CERS3: variants seen among roughly 807,000 people sequenced by gnomAD.
The protein encoded by CERS3 is ceramide synthase 3.
Under a neutral mutation model 50.3 loss-of-function variants are expected in CERS3, and 33 were observed. The ratio of observed to expected loss-of-function variants is 0.66; its 90% CI spans 0.50 to 0.88. The LOEUF (loss-of-function observed/expected upper bound fraction) is 0.88, where lower values mean the gene tolerates loss of function less well. CERS3 is among the 40% of genes least tolerant of loss of function. CERS3 has a pLI of 0.00. For synonymous variants in CERS3, 176 were observed against 155.2 expected (o/e 1.13, Z -0.99); for missense variants, 470 against 460.3 (o/e 1.02, Z -0.19).
chr15:100,455,537 T>C (rs1050747088), intron 11 of CERS3, among the ~76,000 whole-genome samples: 4 of 152,186 alleles, frequency 2.6e-5, no homozygotes, highest in Admixed American at 6.5e-5. Flanking sequence ...ACATATTCTA[T>C]GCACGTACAA....
intron 2 of CERS3, among the ~76,000 whole-genome samples, chr15:100,512,358 A>T (rs2036368544): frequency 6.6e-6 from 1 of 152,152 alleles, no homozygotes; most frequent in Admixed American, 6.5e-5. Flanking sequence ...CACACAGTGA[A>T]GGGCTCCAGC....
intron 1 of CERS3, among the ~76,000 whole-genome samples, chr15:100,535,756 C>T (rs1434968435): frequency 5.7e-4 from 72 of 126,760 alleles, no homozygotes; most frequent in Non-Finnish European, 6.3e-4. Context: ...GAAGTGGGGA[C>T]ATCCCTATGT....
intron 11 of CERS3, among the ~76,000 whole-genome samples, chr15:100,442,516 G>A (rs769347404): frequency 6.6e-6 from 1 of 152,218 alleles, no homozygotes; most frequent in Non-Finnish European, 1.5e-5. Flanking sequence ...CTGAACTGCA[G>A]CGGCCAGGCA....
intron 11 of CERS3, among the ~76,000 whole-genome samples, chr15:100,451,454 A>G (rs1596685285): frequency 6.6e-6 from 1 of 152,358 alleles, no homozygotes; most frequent in Non-Finnish European, 1.5e-5. Context: ...CTGTAATCCC[A>G]GCACTTTGGG....
Position 100,501,787 on chromosome 15 carries a change from C to T in CERS3, c.63G>A (p.Lys21=). ...CATCGTGATCCTCAAGATCTGACCA[C>T]TTTATTGTTGGAGGAAGCCAGAATC... ...LERFWLPPTI[K]WSDLEDHDGL... Residue 21 remains lysine (K), a synonymous_variant, in exon 3 of 12, where the codon AAG becomes AAA. Transcript: ENST00000679737. 1 of 1,614,148 alleles carries T rather than the reference C, an allele frequency of 6.2e-7. No homozygotes were observed. The highest frequency in any genetic ancestry group is 8.5e-7 in the Non-Finnish European group (1 of 1,179,976).
intron 11 of CERS3, among the ~76,000 whole-genome samples, chr15:100,416,583 G>T (rs951178523): frequency 2.6e-5 from 4 of 152,186 alleles, no homozygotes; most frequent in Admixed American, 2.6e-4. Context: ...TACAATCGTG[G>T]CATAAGGAGA....
At chr15:100,429,788 C>T (rs1021139462) in intron 11 of CERS3, among the ~76,000 whole-genome samples, 5 of 152,100 alleles carry the variant, frequency 3.3e-5, no homozygotes, top group Non-Finnish European at 4.4e-5. Context: ...GCCATCACCC[C>T]GTATTGTACA....
intron 1 of CERS3, among the ~76,000 whole-genome samples, chr15:100,538,486 A>G (rs2037124203): frequency 6.6e-6 from 1 of 152,182 alleles, no homozygotes. Flanking sequence ...TTGATTCTTG[A>G]CTTCTGTGCA....
intron 8 of CERS3, among the ~76,000 whole-genome samples, chr15:100,473,748 A>T (rs143042394): frequency 6.6e-6 from 1 of 152,354 alleles, no homozygotes; most frequent in East Asian, 1.9e-4. Flanking sequence ...ACAGTTTCTC[A>T]AAAGATTAGA....
At chr15:100,440,225 C>T (rs771195626) in intron 11 of CERS3, among the ~76,000 whole-genome samples, 5 of 152,278 alleles carry the variant, frequency 3.3e-5, no homozygotes, top group Middle Eastern at 3.4e-3. Flanking sequence ...TCAGTTACTT[C>T]GACTTTATCA....
intron 11 of CERS3, among the ~76,000 whole-genome samples, chr15:100,405,126 C>G (rs2030889654): frequency 6.6e-6 from 1 of 151,070 alleles, no homozygotes; most frequent in Non-Finnish European, 1.5e-5. Context: ...TGCCCTAAGA[C>G]AGACACTATT....
intron 4 of CERS3, among the ~76,000 whole-genome samples, chr15:100,486,319 G>A (rs2035481144): frequency 1.3e-5 from 2 of 152,168 alleles, no homozygotes; most frequent in Admixed American, 6.5e-5. Context: ...ATGGTAGGAA[G>A]GGCAGGAAGC....
Position 100,442,810 on chromosome 15 carries a change from C to T in CERS3, c.999+13083G>A, listed in dbSNP as rs572900108. Among the ~76,000 whole-genome samples the T allele has an allele frequency of 5.3e-5, 8 of 152,328 alleles. No individual in the cohort carries two copies. In the East Asian group the frequency reaches 7.7e-4, roughly 15 times the overall value. On this transcript the variant is annotated intron_variant, in intron 11 of 11. Transcript: ENST00000679737. The stretch of plus-strand genomic sequence containing the variant: ...AAGCCCCCTAGACCATCACGGACGC[C>T]GAGCTGCCAGTAACTCTCACAGTGG...
At chr15:100,495,872 C>G (rs189578194) in intron 3 of CERS3, among the ~76,000 whole-genome samples, 4 of 152,088 alleles carry the variant, frequency 2.6e-5, no homozygotes, top group Non-Finnish European at 4.4e-5. Flanking sequence ...GTTGTACAAC[C>G]ATTACTATGA....
chr15:100,432,686 T>G (rs1341895633), intron 11 of CERS3, among the ~76,000 whole-genome samples: 1 of 152,146 alleles, frequency 6.6e-6, no homozygotes, highest in Non-Finnish European at 1.5e-5. Context: ...ATGAGGTAGG[T>G]GAAAAGACTC....
intron 10 of CERS3, among the ~76,000 whole-genome samples, chr15:100,469,074 T>A (rs145869645): frequency 1.0e-3 from 155 of 152,286 alleles, no homozygotes; most frequent in African/African-American, 3.7e-3. Context: ...TTTCATTGAG[T>A]GACTAGAAAA....
At chr15:100,516,461 C>T (rs113186150) in intron 2 of CERS3, among the ~76,000 whole-genome samples, 10 of 152,256 alleles carry the variant, frequency 6.6e-5, no homozygotes, top group East Asian at 1.9e-4. Flanking sequence ...AAAGACCTGT[C>T]GTGGGACTAA....
chr15:100,431,588 T>G (rs1337788651), intron 11 of CERS3, among the ~76,000 whole-genome samples: 1 of 152,188 alleles, frequency 6.6e-6, no homozygotes, highest in African/African-American at 2.4e-5. Flanking sequence ...GATCTCCGCT[T>G]TTTAAAAAAT....
At chr15:100,449,727 A>G (rs570146817) in intron 11 of CERS3, among the ~76,000 whole-genome samples, 35 of 152,388 alleles carry the variant, frequency 2.3e-4, no homozygotes, top group Admixed American at 2.0e-3. Context: ...CTGCAAGTAC[A>G]TCTTCAGGAA....
Sources: allele counts gnomAD v4.1 joint callset (sites outside exome capture counted in the v4.1 genomes callset), GRCh38; gene constraint gnomAD v4.1.1; transcripts MANE v1.5; gene names NCBI Gene and HGNC (gene_info 2026-07-23, HGNC 2026-07-21).